Variants in SPAG5 observed in about 807,000 individuals in gnomAD.
SPAG5 encodes the protein sperm-associated antigen 5.
SPAG5 carries 99 observed loss-of-function variants against 145.4 expected under a neutral mutation model. The ratio of observed to expected loss-of-function variants is 0.68; its 90% CI spans 0.58 to 0.80. The LOEUF (loss-of-function observed/expected upper bound fraction) is 0.80, where lower values mean the gene tolerates loss of function less well. SPAG5 is among the 30% of genes least tolerant of loss of function. The pLI, the probability that SPAG5 is intolerant of heterozygous loss-of-function variation, is 0.00. For missense variants in SPAG5, 1,192 were observed against 1,416.0 expected, an observed-to-expected ratio of 0.84 and a Z score of 2.54; for synonymous variants, 477 against 525.4, an observed-to-expected ratio of 0.91 and a Z score of 1.26.
chr17:28,593,216 G>A, intron 2 of SPAG5, 150 bp from the exon 3 acceptor site: 2 of 1,049,444 alleles, frequency 1.9e-6, no homozygotes, highest in Non-Finnish European at 2.7e-6. Context: ...TGCTCATATA[G>A]AGACCCAATA....
Position 28,592,880 on chromosome 17 carries a change from G to A in SPAG5, c.364C>T (p.Leu122=). 8 of 1,614,244 alleles carry A rather than the reference G, an allele frequency of 5.0e-6. No individual in the cohort carries two copies. The highest frequency in any genetic ancestry group is 6.8e-6 in the Non-Finnish European group (8 of 1,180,044). ...ATGGTTTTAACCATATAATTGCCCA[G>A]TGGGTCTACTGCTTCCTCAGACGTT... is the stretch of plus-strand genomic sequence containing the variant. ...PKTSEEAVDP[L]GNYMVKTIVL... is the part of the protein sequence containing the mutation. The change falls in exon 3 of 24, where the codon CTG becomes TTG. Residue 122 remains leucine, a synonymous_variant. Coordinates refer to ENST00000321765, the MANE Select transcript of SPAG5 (RefSeq NM_006461.4).
chr17:28,589,402 A>G (rs2070606362), intron 4 of SPAG5, among the ~76,000 whole-genome samples: 1 of 152,022 alleles, frequency 6.6e-6, no homozygotes, highest in South Asian at 2.1e-4. Context: ...CCCAGCCTAA[A>G]ATAAAATTAT....
At position 28,598,537 on chromosome 17, in the gene SPAG5, G is replaced by C; in HGVS notation, c.150C>G (p.Thr50=). 2 of 1,613,900 alleles carry C rather than the reference G, an allele frequency of 1.2e-6. No individual in the cohort carries two copies. The highest frequency in any genetic ancestry group is 1.7e-5 in the Admixed American group (1 of 59,996). Residue 50 remains threonine (T), a synonymous_variant, in exon 2 of 24, where the codon ACC becomes ACG. Coordinates refer to ENST00000321765, the MANE Select transcript of SPAG5 (RefSeq NM_006461.4). ...GKRSPACSSL[T]PSLCKLGLQE... ...GCAGCCCCAGCTTGCACAGTGATGGGGTCAGCGAGGAGCAAGCGGGGGATC... is the reference window on the plus strand; with the variant it reads ...GCAGCCCCAGCTTGCACAGTGATGGCGTCAGCGAGGAGCAAGCGGGGGATC...
Position 28,592,534 on chromosome 17 carries a change from C to T in SPAG5, c.710G>A (p.Ser237Asn), listed in dbSNP as rs775778598. The T allele has an allele frequency of 3.7e-6, 6 of 1,614,210 alleles. No homozygotes were observed. Among genetic ancestry groups the T allele is most frequent in the Middle Eastern group, 3.3e-4 (2 of 6,062 alleles). Residue 237 changes from serine to asparagine, a missense_variant, in exon 3 of 24, where the codon AGT becomes AAT. This residue lies in a region of SPAG5 where 329 missense variants were observed against 354.0 expected (regional missense o/e 0.93). Transcript: ENST00000321765. ...AVREDLVPSE[S>N]NAFLPSSVLW... ...AACAGAGGAAGGCAAGAAGGCGTTA[C>T]TTTCAGAAGGTACTAAGTCCTCACG...
chr17:28,590,725 C>T (rs1180544135), intron 4 of SPAG5, among the ~76,000 whole-genome samples: 5 of 151,568 alleles, frequency 3.3e-5, no homozygotes, highest in Admixed American at 1.3e-4. Context: ...AAAAATTAGC[C>T]GGGTGGGGTG....
Position 28,578,307 on chromosome 17 carries a change from A to G in SPAG5, c.3355-15T>C, listed in dbSNP as rs1480433046. On this transcript the variant is annotated splice_polypyrimidine_tract_variant and intron_variant, in intron 21 of 23. Coordinates refer to ENST00000321765, the MANE Select transcript of SPAG5 (RefSeq NM_006461.4). ...AGTTTGTCCACCTAGAAATATGTCCAGATCAACAGGGGTACAGCCTGGGGT... is the reference window on the plus strand; with the variant it reads ...AGTTTGTCCACCTAGAAATATGTCCGGATCAACAGGGGTACAGCCTGGGGT... The G allele has an allele frequency of 6.2e-7, 1 of 1,614,162 alleles. No individual in the cohort carries two copies. The highest frequency in any genetic ancestry group is 1.7e-5 in the Admixed American group (1 of 60,026).
rs1349876261 is a variant in SPAG5, at chr17:28,579,464, C to T, written c.2906G>A (p.Ser969Asn). The stretch of plus-strand genomic sequence containing the variant: ...AGTCATAATACTCATTTCTGCCAGG[C>T]TCTCCTCCATGCCTGGGGTCTCTGA... ...QPAETPGMEE[S>N]LAEMSIMTTE... Residue 969 changes from serine to asparagine, a missense_variant, in exon 18 of 24, where the codon AGC becomes AAC. Ser to Asn is a conservative substitution (Grantham distance 46, BLOSUM62 1). Around this residue, in one of 5 missense-constraint regions of SPAG5, gnomAD observed 709 missense variants for 840.7 expected, o/e 0.84. Coordinates refer to ENST00000321765, the MANE Select transcript of SPAG5 (RefSeq NM_006461.4). 2 of 1,614,076 alleles carry T rather than the reference C, an allele frequency of 1.2e-6. No individual in the cohort carries two copies. Among genetic ancestry groups the T allele is most frequent in the South Asian group, 2.2e-5 (2 of 91,072 alleles).
chr17:28,592,338 A>G lies in SPAG5; in HGVS notation c.906T>C (p.Asp302=), dbSNP rs149979280. Residue 302 remains aspartate (D), a synonymous_variant, in exon 3 of 24, where the codon GAT becomes GAC. Coordinates refer to ENST00000321765, the MANE Select transcript of SPAG5 (RefSeq NM_006461.4). ...EDQALVSSVE[D]ILSTCLTPNL... Reference sequence around the variant, plus strand: ...TTGGTGTCAGGCATGTGGACAGAATATCTTCCACACTTGAGACAAGTGCTT... The same window carrying G: ...TTGGTGTCAGGCATGTGGACAGAATGTCTTCCACACTTGAGACAAGTGCTT... The G allele has an allele frequency of 1.4e-5, 22 of 1,614,130 alleles. No individual in the cohort carries two copies. The African/African-American group carries it at 2.7e-4, about 20-fold the overall frequency.
At position 28,579,769 on chromosome 17, in the gene SPAG5, C is replaced by T. The variant is rs2151519247; in HGVS notation, c.2866G>A (p.Val956Ile). Reference sequence around the variant, plus strand: ...TCCTAACCTGCGGGCTGAAGGGAAACCATTGATGCTACTCGGGTGAAAGCA... The same window carrying T: ...TCCTAACCTGCGGGCTGAAGGGAAATCATTGATGCTACTCGGGTGAAAGCA... ...KSAFTRVASM[V>I]SLQPAETPGM... Residue 956 changes from valine (V) to isoleucine (I), a missense_variant, in exon 17 of 24, where the codon GTT becomes ATT. Transcript: ENST00000321765. The T allele has an allele frequency of 1.2e-6, 2 of 1,614,156 alleles. No individual in the cohort carries two copies. The highest frequency in any genetic ancestry group is 8.5e-7 in the Non-Finnish European group (1 of 1,180,004).
At chr17:28,578,863 T>C (rs2070527942) in intron 19 of SPAG5, 111 bp from the exon 20 acceptor site, 1 of 886,582 alleles carries the variant, frequency 1.1e-6, no homozygotes, top group Admixed American at 1.9e-5. Context: ...TGGGACCAAT[T>C]GATATCACGC....
chr17:28,587,545 C>CA lies in SPAG5; in HGVS notation c.1438-1047dup, dbSNP rs1010624543. Among the ~76,000 whole-genome samples the CA allele has an allele frequency of 8.2e-3, 1,186 of 145,448 alleles. 12 individuals carry two copies. The highest frequency in any genetic ancestry group is 0.026 in the African/African-American group (1,052 of 39,792). ...GGGCAACAAGAGTAAAACTCCGTCT[C>CA]AAAAAAAAAAAATTTTTTTTCATTA... On this transcript the variant is annotated intron_variant, in intron 4 of 23. Transcript: ENST00000321765.
Position 28,579,494 on chromosome 17 carries a change from G to C in SPAG5, c.2885-9C>G. On this transcript the variant is annotated splice_polypyrimidine_tract_variant and intron_variant, in intron 17 of 23. Coordinates refer to ENST00000321765, the MANE Select transcript of SPAG5 (RefSeq NM_006461.4). ...CTCCATGCCTGGGGTCTCTGAAAGA[G>C]AAAGTCCCAGATAGAGGTCTAGCCT... 4 of 1,613,128 alleles carry C rather than the reference G, an allele frequency of 2.5e-6. No homozygotes were observed. The highest frequency in any genetic ancestry group is 3.4e-6 in the Non-Finnish European group (4 of 1,179,582).
At chr17:28,579,708 G>A (rs780531703) in intron 17 of SPAG5, 43 bp downstream of exon 17, 32 of 1,583,482 alleles carry the variant, frequency 2.0e-5, no homozygotes, top group Non-Finnish European at 2.6e-5. Context: ...ATCACCACCA[G>A]ATTTTCTAGA....
rs1291255453 is a variant in SPAG5 at position 28,585,646 on chromosome 17, A to G, written c.1748T>C (p.Ile583Thr). The G allele has an allele frequency of 4.3e-6, 7 of 1,613,560 alleles. No individual in the cohort carries two copies. The highest frequency in any genetic ancestry group is 5.9e-6 in the Non-Finnish European group (7 of 1,180,034). ...GTGTGCACAGAAAGCCTCCAACACT[A>G]TCTCTGCCTATTGAGGGAAGTGGTT... ...MALRGKDAAE[I>T]VLEAFCAHAS... Residue 583 changes from isoleucine (I) to threonine (T), a missense_variant, in exon 8 of 24, where the codon ATA becomes ACA. This residue lies in a region of SPAG5 where 709 missense variants were observed against 840.7 expected (regional missense o/e 0.84). Coordinates refer to ENST00000321765, the MANE Select transcript of SPAG5 (RefSeq NM_006461.4).
chr17:28,586,563 G>T, intron 4 of SPAG5, 64 bp from the exon 5 acceptor site: 1 of 1,365,538 alleles, frequency 7.3e-7, no homozygotes. Flanking sequence ...ACAGAGTCTT[G>T]CTCTATCATC....
intron 2 of SPAG5, 44 bp downstream of exon 2, chr17:28,598,466 C>A (rs117076684): frequency 1.2e-4 from 198 of 1,603,786 alleles, no homozygotes; most frequent in East Asian, 2.2e-4. Flanking sequence ...AGCTCTCACC[C>A]TGGGCAAACA....
At chr17:28,587,990 G>A (rs1000639669) in intron 4 of SPAG5, among the ~76,000 whole-genome samples, 2 of 152,218 alleles carry the variant, frequency 1.3e-5, no homozygotes, top group Non-Finnish European at 2.9e-5. Flanking sequence ...CTCAAAGGCA[G>A]TAGAACCCCA....
rs771540023 is a variant in SPAG5, at chr17:28,578,444, C to G, written c.3283G>C (p.Gly1095Arg). Reference sequence around the variant, plus strand: ...GGCTGGCAGTTGGAGTCCAGCTGGCCTGCCAGGGCCTCCTGGAGCACTTTG... The same window carrying G: ...GGCTGGCAGTTGGAGTCCAGCTGGCGTGCCAGGGCCTCCTGGAGCACTTTG... ...ETKVLQEALA[G>R]QLDSNCQPMA... The change falls in exon 21 of 24, where the codon GGC (glycine) becomes CGC (arginine). Residue 1095 changes from glycine to arginine, a missense_variant. Physicochemically the swap from Gly to Arg is moderately radical, Grantham distance 125. Coordinates refer to ENST00000321765, the MANE Select transcript of SPAG5 (RefSeq NM_006461.4). The G allele has an allele frequency of 6.2e-7, 1 of 1,614,098 alleles. No individual in the cohort carries two copies. The highest frequency in any genetic ancestry group is 1.1e-5 in the South Asian group (1 of 91,088).
At chr17:28,582,910 C>T (rs1173681643) in intron 15 of SPAG5, 1 of 152,136 alleles carries the variant, frequency 6.6e-6, no homozygotes, top group Non-Finnish European at 1.5e-5. Context: ...AAAAGATCAC[C>T]GGGTCCACAT....
Sources: gnomAD v4.1 joint callset for allele counts (sites outside exome capture counted in the v4.1 genomes callset) on GRCh38, gnomAD v4.1.1 for gene constraint, gnomAD v4.1.1 regional missense constraint, MANE v1.5 for transcripts, NCBI Gene and HGNC (gene_info 2026-07-23, HGNC 2026-07-21) for gene names.